The following ESRRG variants were observed in gnomAD, a reference collection of about 807,000 sequenced individuals.
The protein encoded by ESRRG is estrogen related receptor gamma.
Under a neutral mutation model 44.0 loss-of-function variants are expected in ESRRG, and 13 were observed. That is an observed-to-expected ratio of 0.30 (90% confidence interval 0.19 to 0.47). ESRRG has a LOEUF of 0.47. Ranked by LOEUF, ESRRG falls within the 20% of genes least tolerant of loss-of-function variation. The pLI is 1.00. For missense variants in ESRRG, 395 were observed against 580.6 expected (o/e 0.68, Z 3.29); for synonymous variants, 215 against 214.6 (o/e 1.00, Z -0.02).
chr1:216,746,638 A>G (rs1282204840), intron 2 of ESRRG, among the ~76,000 whole-genome samples: 1 of 152,196 alleles, frequency 6.6e-6, no homozygotes, highest in Non-Finnish European at 1.5e-5. Flanking sequence ...ACGTCATACC[A>G]TTTATTTAGA....
At chr1:216,797,768 T>C (rs551347104) in intron 2 of ESRRG, among the ~76,000 whole-genome samples, 1 of 152,128 alleles carries the variant, frequency 6.6e-6, no homozygotes, top group Non-Finnish European at 1.5e-5. Flanking sequence ...TTAATACTGT[T>C]GATGCTGACC....
chr1:216,852,935 C>T (rs11117708), intron 2 of ESRRG, among the ~76,000 whole-genome samples: 5,090 of 152,182 alleles, frequency 0.033, 96 homozygotes, highest in Middle Eastern at 0.058. Flanking sequence ...TCCCGGGAAA[C>T]CTAATATGCA....
intron 3 of ESRRG, among the ~76,000 whole-genome samples, chr1:216,637,183 T>C (rs2065457885): frequency 6.6e-6 from 1 of 152,182 alleles, no homozygotes; most frequent in African/African-American, 2.4e-5. Flanking sequence ...CCTCTTCTGC[T>C]AAACAATAGG....
chr1:217,031,877 GC>G (rs1558036017), intron 1 of ESRRG, among the ~76,000 whole-genome samples: 1 of 152,136 alleles, frequency 6.6e-6, no homozygotes, highest in African/African-American at 2.4e-5. Context: ...GTTTCCTGAA[GC>G]CCCCCAAGCC....
At chr1:217,113,455 C>T (rs2092682576) in intron 1 of ESRRG, among the ~76,000 whole-genome samples, 1 of 152,140 alleles carries the variant, frequency 6.6e-6, no homozygotes. Flanking sequence ...GGGCAGGTAA[C>T]TTATCTTCAG....
chr1:216,814,360 C>T (rs573708253), intron 2 of ESRRG, among the ~76,000 whole-genome samples: 2 of 152,292 alleles, frequency 1.3e-5, no homozygotes, highest in African/African-American at 4.8e-5. Flanking sequence ...GTTATATAAA[C>T]AGTTTTGTTT....
intron 1 of ESRRG, among the ~76,000 whole-genome samples, chr1:216,711,683 C>T (rs1039361322): frequency 5.3e-5 from 8 of 152,110 alleles, no homozygotes; most frequent in Non-Finnish European, 1.2e-4. Context: ...GTGTACAATA[C>T]TTTATACTTG....
intron 1 of ESRRG, among the ~76,000 whole-genome samples, chr1:217,017,512 C>G (rs1050632992): frequency 6.7e-6 from 1 of 148,196 alleles, no homozygotes; most frequent in Non-Finnish European, 1.5e-5. Flanking sequence ...GAAAACCACT[C>G]CACTGTTTGC....
rs114469505 is a variant in ESRRG at position 217,058,817 on chromosome 1, C to A, written c.-106+30690G>T. Among the ~76,000 whole-genome samples the A allele has an allele frequency of 2.7e-5, 4 of 150,602 alleles. No individual in the cohort carries two copies. In the East Asian group the frequency reaches 5.9e-4, roughly 22 times the overall value. On this transcript the variant is annotated intron_variant, in intron 1 of 7. Transcript: ENST00000359162. ...AATGCAGAAGAGGCTAAATAAAACT[C>A]GGTAAATTTGAATTGGAGTACTAAT...
chr1:216,511,758 G>A (rs1376599749), intron 6 of ESRRG, among the ~76,000 whole-genome samples: 1 of 152,122 alleles, frequency 6.6e-6, no homozygotes, highest in Non-Finnish European at 1.5e-5. Flanking sequence ...GAATAGAAAG[G>A]ATATTATCTA....
At chr1:216,925,444 A>G (rs1346535222) in intron 2 of ESRRG, among the ~76,000 whole-genome samples, 8 of 152,148 alleles carry the variant, frequency 5.3e-5, no homozygotes, top group Admixed American at 5.2e-4. Context: ...CTCAAAAACA[A>G]CAACAACAAT....
intron 3 of ESRRG, among the ~76,000 whole-genome samples, chr1:216,622,608 T>TCA (rs769882782): frequency 2.2e-5 from 3 of 136,846 alleles, no homozygotes; most frequent in Non-Finnish European, 4.9e-5. Context: ...CAAATGAAAA[T>TCA]TACACACACG....
chr1:217,073,909 A>C (rs937864221), intron 1 of ESRRG, among the ~76,000 whole-genome samples: 1 of 152,148 alleles, frequency 6.6e-6, no homozygotes, highest in Non-Finnish European at 1.5e-5. Context: ...CATGTAGACA[A>C]TACTCCCAAG....
chr1:217,030,625 T>C (rs116359262), intron 1 of ESRRG, among the ~76,000 whole-genome samples: 3,314 of 152,304 alleles, frequency 0.022, 135 homozygotes, highest in African/African-American at 0.075. Context: ...GTCTTCATTG[T>C]TATTTTTTTC....
chr1:216,662,641 T>C (rs1201474155), intron 2 of ESRRG, among the ~76,000 whole-genome samples: 2 of 151,894 alleles, frequency 1.3e-5, no homozygotes, highest in African/African-American at 4.8e-5. Context: ...GGGTTCCTGT[T>C]TGATGATTGT....
chr1:217,063,246 C>T (rs546037123), intron 1 of ESRRG, among the ~76,000 whole-genome samples: 1 of 152,282 alleles, frequency 6.6e-6, no homozygotes, highest in East Asian at 1.9e-4. Context: ...CTCTAAAAAG[C>T]ATTTTAGGAA....
rs116093407 is a variant in ESRRG at position 216,735,564 on chromosome 1, C to T, written c.-13-58073G>A. ...ATGGCAAATCCCTGCCCTGCCTCCA[C>T]CTCTGTCACCCATGAGAGAACCTCT... On this transcript the variant is annotated intron_variant, in intron 2 of 7. Transcript: ENST00000359162. Among the ~76,000 whole-genome samples, 1,090 of 152,224 alleles carry T rather than the reference C, an allele frequency of 7.2e-3. 6 individuals carry two copies. Among genetic ancestry groups the T allele is most frequent in the Middle Eastern group, 0.031 (9 of 294 alleles).
intron 3 of ESRRG, among the ~76,000 whole-genome samples, chr1:216,610,326 T>C (rs1054420534): frequency 2.0e-5 from 3 of 151,806 alleles, no homozygotes; most frequent in African/African-American, 7.3e-5. Context: ...AGGCTTACAA[T>C]ATGCCCATCA....
At chr1:217,057,795 T>G (rs2087450596) in intron 1 of ESRRG, among the ~76,000 whole-genome samples, 1 of 152,166 alleles carries the variant, frequency 6.6e-6, no homozygotes, top group Non-Finnish European at 1.5e-5. Context: ...CACAAATTGA[T>G]AAACTTTCTG....
Sources: gnomAD v4.1 joint callset for allele counts (sites outside exome capture counted in the v4.1 genomes callset) on GRCh38, gnomAD v4.1.1 for gene constraint, MANE v1.5 for transcripts, NCBI Gene and HGNC (gene_info 2026-07-23, HGNC 2026-07-21) for gene names.